TDRD9: variants seen among roughly 807,000 people sequenced by gnomAD.
TDRD9 encodes the protein ATP-dependent RNA helicase TDRD9.
TDRD9 carries 124 observed loss-of-function variants against 172.6 expected under a neutral mutation model. That is an observed-to-expected ratio of 0.72 (90% CI 0.62 to 0.83). TDRD9 has a LOEUF of 0.83. TDRD9 is among the 40% of genes least tolerant of loss of function. The pLI, the probability that TDRD9 is intolerant of heterozygous loss-of-function variation, is 0.00. For missense variants in TDRD9, 1,479 were observed against 1,714.1 expected (o/e 0.86, Z 2.42); for synonymous variants, 619 against 617.1 (o/e 1.00, Z -0.05).
At chr14:103,987,862 G>T (rs2033729365) in intron 8 of TDRD9, among the ~76,000 whole-genome samples, 1 of 152,098 alleles carries the variant, frequency 6.6e-6, no homozygotes, top group Non-Finnish European at 1.5e-5. Context: ...CTCAGCAGTT[G>T]TTATTGAATT....
In TDRD9 at chr14:104,004,310, C is replaced by G; in HGVS notation, c.1556C>G (p.Pro519Arg). Reference protein sequence around the residue: ...VHKDFWDNSIPDHVVPEMLRC... With the variant: ...VHKDFWDNSIRDHVVPEMLRC... ...AAGGATTTCTGGGACAACTCCATCC[C>G]TGATCATGTTGTTCCTGAGATGTTG... The change falls in exon 14 of 36, where the codon CCT (proline) becomes CGT (arginine). Residue 519 changes from proline (P) to arginine (R), a missense_variant. By Grantham distance (103) the Pro-to-Arg change is moderately radical (BLOSUM62 -2). This residue lies in a region of TDRD9 where 1,413 missense variants were observed against 1,649.1 expected (regional missense o/e 0.86). Transcript: ENST00000409874. The G allele has an allele frequency of 6.3e-7, 1 of 1,596,466 alleles. No individual in the cohort carries two copies. The highest frequency in any genetic ancestry group is 8.6e-7 in the Non-Finnish European group (1 of 1,166,394).
chr14:103,975,433 CTACTT>C lies in TDRD9; in HGVS notation c.893_897del (p.Tyr298CysfsTer15). 6.2e-7 allele frequency: 1 copy of C among 1,613,896 alleles called. No individual in the cohort carries two copies. Among genetic ancestry groups the C allele is most frequent in the Non-Finnish European group, 8.5e-7 (1 of 1,179,848 alleles). Reference sequence around the variant, plus strand: ...CCATCAGCTGTAAAGAGTTTGCAGACTACTTTGCTGTTCCTGTTCAAAACAAGATG... The same window carrying C: ...CCATCAGCTGTAAAGAGTTTGCAGACTGCTGTTCCTGTTCAAAACAAGATG... On this transcript the variant is annotated frameshift_variant, in exon 7 of 36. Coordinates refer to ENST00000409874, the MANE Select transcript of TDRD9 (RefSeq NM_153046.3). LOFTEE classifies it high-confidence loss of function.
intron 1 of TDRD9, among the ~76,000 whole-genome samples, chr14:103,952,109 A>T (rs868388180): frequency 1.4e-4 from 20 of 139,822 alleles, no homozygotes; most frequent in Admixed American, 1.5e-4. Flanking sequence ...TAAGATGGCA[A>T]GTTTTATGTT....
At chr14:103,988,469 C>G (rs28715405) in intron 8 of TDRD9, among the ~76,000 whole-genome samples, 3,420 of 152,146 alleles carry the variant, frequency 0.022, 144 homozygotes, top group Admixed American at 0.12. Context: ...CGCGCCTGGC[C>G]TGTATTTTTA....
Position 104,004,234 on chromosome 14 carries a change from G to A in TDRD9, c.1484-4G>A, listed in dbSNP as rs745729734. The A allele has an allele frequency of 6.4e-7, 1 of 1,551,444 alleles. No individual in the cohort carries two copies. Among genetic ancestry groups the A allele is most frequent in the South Asian group, 1.2e-5 (1 of 84,490 alleles). ...AACACTGTTTGCACATCTCTCCTTT[G>A]AAGGCCGTGCTGGACGAGTGTCTAG... On this transcript the variant is annotated splice_polypyrimidine_tract_variant and splice_region_variant and intron_variant, in intron 13 of 35. Transcript: ENST00000409874.
intron 20 of TDRD9, among the ~76,000 whole-genome samples, chr14:104,010,372 A>G (rs907661275): frequency 7.2e-5 from 11 of 152,174 alleles, no homozygotes; most frequent in African/African-American, 2.7e-4. Flanking sequence ...AGACACACAT[A>G]CACATTAGCC....
chr14:104,017,950 G>A, intron 22 of TDRD9, 142 bp from the exon 23 acceptor site: 3 of 600,710 alleles, frequency 5.0e-6, no homozygotes, highest in Non-Finnish European at 8.8e-6. Context: ...GCACTGATCT[G>A]TAGAGTTTAT....
intron 1 of TDRD9, among the ~76,000 whole-genome samples, chr14:103,930,918 TGAGA>T (rs145003964): frequency 0.023 from 3,461 of 152,316 alleles, 77 homozygotes; most frequent in East Asian, 0.071. Context: ...CTTCATGGAC[TGAGA>T]CTTTTATAAA....
chr14:104,032,748 T>A (rs1274022096), intron 30 of TDRD9, among the ~76,000 whole-genome samples: 1 of 152,210 alleles, frequency 6.6e-6, no homozygotes, highest in Non-Finnish European at 1.5e-5. Flanking sequence ...TTTGTCTTCA[T>A]GAAAATTATG....
At chr14:103,962,045 A>T (rs942518037) in intron 2 of TDRD9, among the ~76,000 whole-genome samples, 3 of 152,168 alleles carry the variant, frequency 2.0e-5, no homozygotes, top group Non-Finnish European at 4.4e-5. Context: ...GTGAGTTTTG[A>T]TGATTTGCCA....
intron 23 of TDRD9, among the ~76,000 whole-genome samples, chr14:104,018,945 T>G (rs1200753669): frequency 6.6e-6 from 1 of 152,210 alleles, no homozygotes; most frequent in Non-Finnish European, 1.5e-5. Context: ...ATTTCTATGA[T>G]TAATATATTG....
In TDRD9 at chr14:104,052,044, C is replaced by T. The variant is rs1376956045; in HGVS notation, c.4111C>T (p.Leu1371Phe). Residue 1371 changes from leucine (L) to phenylalanine (F), a missense_variant, in exon 36 of 36, where the codon CTC (leucine) becomes TTC (phenylalanine). This residue lies in a region of TDRD9 where 1,413 missense variants were observed against 1,649.1 expected (regional missense o/e 0.86). Transcript: ENST00000409874. ...RESSRGKNTF[L>F]YQLHKLVVLG... ...GAGCAGCAGAGGGAAGAACACCTTT[C>T]TCTACCAGCTCCACAAACTGGTTGT... The T allele has an allele frequency of 1.1e-5, 18 of 1,589,330 alleles. No homozygotes were observed. The highest frequency in any genetic ancestry group is 1.5e-5 in the Non-Finnish European group (18 of 1,167,452).
At chr14:103,935,747 A>AG (rs766499099) in intron 1 of TDRD9, among the ~76,000 whole-genome samples, 23 of 152,284 alleles carry the variant, frequency 1.5e-4, no homozygotes, top group Admixed American at 5.2e-4. Context: ...AAGTGGTCAG[A>AG]GGGACACCAG....
Position 104,014,858 on chromosome 14 carries a change from T to C in TDRD9, c.2223+17T>C, listed in dbSNP as rs2034737309. The C allele has an allele frequency of 6.9e-7, 1 of 1,453,646 alleles. No individual in the cohort carries two copies. The highest frequency in any genetic ancestry group is 2.4e-5 in the East Asian group (1 of 42,498). The allele number at this position is 1,453,646 out of a possible 1,614,324, so 90.0% of individuals were successfully genotyped here. A position where few individuals can be genotyped will look rare whatever the true frequency, so the allele number is the denominator to read the frequency against. ...ATCCTACAGGTGTGCTGAAGTTTCC[T>C]GGATATTTTTTTTCCTGATTCTTTC... On this transcript the variant is annotated intron_variant, in intron 21 of 35. Transcript: ENST00000409874.
chr14:103,951,759 TTTTTCTTTTTTC>T (rs1246947927), intron 1 of TDRD9, among the ~76,000 whole-genome samples: 1 of 152,116 alleles, frequency 6.6e-6, no homozygotes, highest in Non-Finnish European at 1.5e-5. Flanking sequence ...TATTTCTTTT[TTTTTCTTTTTTC>T]TTTTCTTTTT....
At chr14:103,995,298 T>C (rs1476483960) in intron 11 of TDRD9, among the ~76,000 whole-genome samples, 1 of 152,202 alleles carries the variant, frequency 6.6e-6, no homozygotes, top group African/African-American at 2.4e-5. Context: ...AAGACCCTTC[T>C]AGAGCTGCTT....
Position 103,928,715 on chromosome 14 carries a change from C to T in TDRD9, c.206C>T (p.Ala69Val), listed in dbSNP as rs992290495. 13 of 1,162,044 alleles carry T rather than the reference C, an allele frequency of 1.1e-5. No individual in the cohort carries two copies. Among genetic ancestry groups the T allele is most frequent in the African/African-American group, 1.6e-5 (1 of 61,392 alleles). The allele number at this position is 1,162,044 out of a possible 1,614,324, so 72.0% of individuals were successfully genotyped here. Reference sequence around the variant, plus strand: ...CAAGCTCCGGCCCGGCCGGCCGCTGCGTTCGAAAGGTAGGACGCGGGCGGG... The same window carrying T: ...CAAGCTCCGGCCCGGCCGGCCGCTGTGTTCGAAAGGTAGGACGCGGGCGGG... ...LAQAPARPAA[A>V]FERSLSQRSS... The change falls in exon 1 of 36, where the codon GCG becomes GTG. Residue 69 changes from alanine to valine, a missense_variant. Transcript: ENST00000409874.
chr14:103,994,401 A>T lies in TDRD9; in HGVS notation c.1235+15A>T. 6.2e-7 allele frequency: 1 copy of T among 1,612,106 alleles called. No homozygotes were observed. Among genetic ancestry groups the T allele is most frequent in the South Asian group, 1.1e-5 (1 of 91,030 alleles). ...GTTCATAAAAGGTATGTTGAAAATG[A>T]TACAGCTGTATTCTTCTAAGCCATT... On this transcript the variant is annotated intron_variant, in intron 10 of 35. Coordinates refer to ENST00000409874, the MANE Select transcript of TDRD9 (RefSeq NM_153046.3).
chr14:103,984,074 C>G (rs1244638946), intron 7 of TDRD9, among the ~76,000 whole-genome samples: 2 of 152,144 alleles, frequency 1.3e-5, no homozygotes, highest in African/African-American at 2.4e-5. Context: ...GAAGAAATTT[C>G]TAAGCAGCAA....
Sources: allele counts gnomAD v4.1 joint callset (sites outside exome capture counted in the v4.1 genomes callset), GRCh38; gene constraint gnomAD v4.1.1; regional missense constraint gnomAD v4.1.1; transcripts MANE v1.5; gene names NCBI Gene and HGNC (gene_info 2026-07-23, HGNC 2026-07-21).